The following PTPN20 variants were observed in gnomAD, a reference collection of about 807,000 sequenced individuals.
The protein encoded by PTPN20 is tyrosine-protein phosphatase non-receptor type 20.
Under a neutral mutation model 35.0 loss-of-function variants are expected in PTPN20, and 9 were observed. The ratio of observed to expected loss-of-function variants is 0.26; its 90% CI spans 0.15 to 0.45. The LOEUF (loss-of-function observed/expected upper bound fraction) is 0.45, where lower values mean the gene tolerates loss of function less well. Ranked by LOEUF, PTPN20 falls within the 20% of genes least tolerant of loss-of-function variation. The pLI, the probability that PTPN20 is intolerant of heterozygous loss-of-function variation, is 1.00. For synonymous variants in PTPN20, 32 were observed against 100.2 expected, an observed-to-expected ratio of 0.32 and a Z score of 4.06; for missense variants, 111 against 312.5, an observed-to-expected ratio of 0.36 and a Z score of 4.86.
At chr10:46,919,334 G>A (rs1332781338) in intron 1 of PTPN20, among the ~76,000 whole-genome samples, 6 of 149,232 alleles carry the variant, frequency 4.0e-5, no homozygotes, top group Admixed American at 2.6e-4. Flanking sequence ...GTTTGCGCTT[G>A]CCTTACCTGT....
rs1199376135 is a variant in PTPN20, at chr10:46,953,388, TTTCTTTC to T, written c.340+6716_340+6722del. ...CTTTCTTTCTTTCTTTCTTTCTTTC[TTTCTTTC>T]TTTTTTTTTGACTTACTAACTTATT... On this transcript the variant is annotated intron_variant, in intron 5 of 10. Transcript: ENST00000374339. Among the ~76,000 whole-genome samples, 171 of 143,166 alleles carry T rather than the reference TTTCTTTC, an allele frequency of 1.2e-3. 7 individuals are homozygous for T. The highest frequency in any genetic ancestry group is 4.4e-3 in the African/African-American group (150 of 34,028). 93.9% of individuals were successfully genotyped at this position (143,166 alleles called of 152,430 possible). A position where few individuals can be genotyped will look rare whatever the true frequency, so the allele number is the denominator to read the frequency against.
chr10:47,003,373 C>A (rs2060135671), downstream of PTPN20, among the ~76,000 whole-genome samples: 1 of 151,938 alleles, frequency 6.6e-6, no homozygotes. Context: ...CTAGCCAATG[C>A]AGTAAGATTA....
In PTPN20 at chr10:46,995,968, GTA is replaced by G. The variant is rs1374260528; in HGVS notation, c.1135-3940_1135-3939del. Among the ~76,000 whole-genome samples, 226 of 152,220 alleles carry G rather than the reference GTA, an allele frequency of 1.5e-3. 1 individual carries two copies. Among genetic ancestry groups the G allele is most frequent in the African/African-American group, 5.2e-3 (214 of 41,548 alleles). ...TATTGTTGGTGATAATTTCAGTGCT[GTA>G]TATTTGGTTTTGGTTTTCTTTGTAA... On this transcript the variant is annotated intron_variant, in intron 9 of 10. Coordinates refer to ENST00000374339, the MANE Select transcript of PTPN20 (RefSeq NM_001042357.5).
At chr10:46,981,456 G>A (rs1214917511) in intron 7 of PTPN20, 5 of 148,788 alleles carry the variant, frequency 3.4e-5, no homozygotes, top group Non-Finnish European at 7.4e-5. Flanking sequence ...CCAACACTGA[G>A]TACCTGATGG....
chr10:46,980,016 A>G (rs1234595911), intron 7 of PTPN20, among the ~76,000 whole-genome samples: 1 of 150,884 alleles, frequency 6.6e-6, no homozygotes, highest in Non-Finnish European at 1.5e-5. Context: ...GTGAACAAGA[A>G]GTAGCAAATG....
chr10:46,937,399 T>C (rs1302550840), intron 2 of PTPN20, among the ~76,000 whole-genome samples: 1 of 152,182 alleles, frequency 6.6e-6, no homozygotes, highest in Non-Finnish European at 1.5e-5. Flanking sequence ...CCTTCTTTGG[T>C]CTGTTGGTTT....
At chr10:46,920,568 A>T (rs1283697935) in intron 1 of PTPN20, among the ~76,000 whole-genome samples, 11 of 147,616 alleles carry the variant, frequency 7.5e-5, no homozygotes, top group Non-Finnish European at 1.2e-4. Context: ...GGTTCAGGGG[A>T]TGAAGCTCCC....
Position 47,002,048 on chromosome 10 carries a change from AT to A in PTPN20, c.*1308del, listed in dbSNP as rs1371247968. On this transcript the variant is annotated 3_prime_UTR_variant, in exon 11 of 11. Transcript: ENST00000374339. ...AGGCTTATTTTGTTCTTTTGGCTGA[AT>A]GAGTATATTTGAATTGGTTGAATAA... The A allele has an allele frequency of 6.6e-6, 1 of 152,070 alleles. No homozygotes were observed. Among genetic ancestry groups the A allele is most frequent in the Non-Finnish European group, 1.5e-5 (1 of 67,956 alleles). The allele number at this position is 152,070 out of a possible 1,614,324, so 9.4% of individuals were successfully genotyped here. A position where few individuals can be genotyped will look rare whatever the true frequency, so the allele number is the denominator to read the frequency against.
chr10:46,964,289 T>G (rs1314928184), intron 5 of PTPN20, among the ~76,000 whole-genome samples: 1 of 86,090 alleles, frequency 1.2e-5, no homozygotes, highest in Non-Finnish European at 2.2e-5. Flanking sequence ...ACTTCTAGAT[T>G]TATTGCATTT....
At chr10:46,945,161 G>T (rs1383072992) in intron 4 of PTPN20, among the ~76,000 whole-genome samples, 1 of 147,762 alleles carries the variant, frequency 6.8e-6, no homozygotes, top group African/African-American at 2.6e-5. Flanking sequence ...GAGAGGTGGA[G>T]CCCAAAATAC....
At chr10:46,951,514 AG>A (rs2046664430) in intron 5 of PTPN20, among the ~76,000 whole-genome samples, 1 of 152,246 alleles carries the variant, frequency 6.6e-6, no homozygotes, top group Non-Finnish European at 1.5e-5. Context: ...ATGTTTAAAA[AG>A]GTCTTCTTTA....
At chr10:46,946,880 CCTTT>C (rs1250297343) in intron 5 of PTPN20, 1 of 510,604 alleles carries the variant, frequency 2.0e-6, no homozygotes, top group Non-Finnish European at 3.4e-6. Context: ...TAATTCCTGT[CCTTT>C]CTTCAAGTAT....
chr10:46,939,743 T>G (rs2042846036), intron 2 of PTPN20, among the ~76,000 whole-genome samples: 1 of 151,260 alleles, frequency 6.6e-6, no homozygotes, highest in African/African-American at 2.4e-5. Flanking sequence ...TAAATACTCA[T>G]TTAGCTACTT....
intron 6 of PTPN20, among the ~76,000 whole-genome samples, chr10:46,967,705 C>A: frequency 8.1e-6 from 1 of 123,032 alleles, no homozygotes; most frequent in African/African-American, 3.5e-5. Context: ...TGGAAAGTAT[C>A]TCCAGAAAGT....
At chr10:46,988,006 CTT>C (rs2057090687) in intron 9 of PTPN20, among the ~76,000 whole-genome samples, 1 of 152,168 alleles carries the variant, frequency 6.6e-6, no homozygotes, top group East Asian at 1.9e-4. Context: ...ATTTTGGTGA[CTT>C]TGGGTAAATT....
chr10:46,925,147 C>A (rs569013984), intron 1 of PTPN20, among the ~76,000 whole-genome samples: 1 of 151,248 alleles, frequency 6.6e-6, no homozygotes, highest in South Asian at 2.1e-4. Context: ...GGCTGGTGGT[C>A]TCCGAACCAT....
At chr10:46,992,691 C>T (rs1013511900) in intron 9 of PTPN20, among the ~76,000 whole-genome samples, 1 of 152,126 alleles carries the variant, frequency 6.6e-6, no homozygotes, top group Non-Finnish European at 1.5e-5. Context: ...GCTTCCTTAC[C>T]ACCCAGATTC....
In PTPN20 at chr10:47,000,742, G is replaced by A; in HGVS notation, c.*1G>A. 2 of 1,613,530 alleles carry A rather than the reference G, an allele frequency of 1.2e-6. No homozygotes were observed. The highest frequency in any genetic ancestry group is 1.7e-5 in the Admixed American group (1 of 59,996). ...TCGGAAACTTCTGACTTTGGATTAAGAAAGACTTCTGTTGCCTCTCACTTG... is the reference window on the plus strand; with the variant it reads ...TCGGAAACTTCTGACTTTGGATTAAAAAAGACTTCTGTTGCCTCTCACTTG... On this transcript the variant is annotated 3_prime_UTR_variant, in exon 11 of 11. Transcript: ENST00000374339.
At chr10:47,002,983 A>C (rs1171711173), downstream of PTPN20, among the ~76,000 whole-genome samples, 3 of 151,982 alleles carry the variant, frequency 2.0e-5, no homozygotes, top group East Asian at 5.8e-4. Flanking sequence ...TTTCCTACTT[A>C]ATTTTTTTCT....
Sources: gnomAD v4.1 joint callset for allele counts (sites outside exome capture counted in the v4.1 genomes callset) on GRCh38, gnomAD v4.1.1 for gene constraint, MANE v1.5 for transcripts, NCBI Gene and HGNC (gene_info 2026-07-23, HGNC 2026-07-21) for gene names.